Variants in RFX4 observed in about 807,000 individuals in gnomAD.
The protein encoded by RFX4 is regulatory factor X4.
A neutral mutation model predicts 95.0 loss-of-function variants in RFX4; 10 were observed. That is an observed-to-expected ratio of 0.11 (90% CI 0.06 to 0.18). RFX4 has a LOEUF of 0.18. RFX4 is among the 10% of genes least tolerant of loss of function. The probability of loss-of-function intolerance (pLI) is 1.00; values close to 1 mark genes in which losing one functional copy is unlikely to be tolerated. For synonymous variants in RFX4, 321 were observed against 340.7 expected (o/e 0.94, Z 0.64); for missense variants, 640 against 922.0 (o/e 0.69, Z 3.96).
At chr12:106,732,868 T>C (rs566755104) in intron 14 of RFX4, 56 bp from the exon 15 acceptor site, 57 of 1,549,074 alleles carry the variant, frequency 3.7e-5, no homozygotes, top group Non-Finnish European at 4.5e-5. Context: ...TAAAGTCTTT[T>C]AGAGACACTT....
At chr12:106,686,750 C>G in intron 5 of RFX4, 134 bp from the exon 6 acceptor site, 1 of 725,936 alleles carries the variant, frequency 1.4e-6, no homozygotes, top group Non-Finnish European at 2.3e-6. Context: ...CTTCTATCCC[C>G]AGGTAGGATG....
intron 3 of RFX4, among the ~76,000 whole-genome samples, chr12:106,643,278 T>G (rs1160358605): frequency 6.6e-6 from 1 of 152,038 alleles, no homozygotes; most frequent in Non-Finnish European, 1.5e-5. Context: ...CACCACTCCT[T>G]CCCGGGATGG....
At chr12:106,631,530 C>T (rs2040415767) in intron 2 of RFX4, among the ~76,000 whole-genome samples, 1 of 152,046 alleles carries the variant, frequency 6.6e-6, no homozygotes, top group Non-Finnish European at 1.5e-5. Flanking sequence ...AAGGCTCAGC[C>T]CTTGTGAATG....
chr12:106,762,613 C>CTATTA lies in RFX4; in HGVS notation c.*1145_*1149dup, dbSNP rs1369818475. The stretch of plus-strand genomic sequence containing the variant: ...AATGCACCAAGCAATTATGGTGGAC[C>CTATTA]TATTACCCTATGGGTAAGAAATAAA... On this transcript the variant is annotated 3_prime_UTR_variant, in exon 18 of 18. Transcript: ENST00000392842. The CTATTA allele has an allele frequency of 1.3e-5, 2 of 152,446 alleles. No individual in the cohort carries two copies. The highest frequency in any genetic ancestry group is 4.8e-5 in the African/African-American group (2 of 41,358). The allele number at this position is 152,446 out of a possible 1,614,324, so 9.4% of individuals were successfully genotyped here. A position where few individuals can be genotyped will look rare whatever the true frequency, so the allele number is the denominator to read the frequency against.
At chr12:106,629,887 A>G (rs2040382837) in intron 2 of RFX4, among the ~76,000 whole-genome samples, 1 of 152,170 alleles carries the variant, frequency 6.6e-6, no homozygotes, top group Non-Finnish European at 1.5e-5. Flanking sequence ...GCCAGGAGGC[A>G]CGGTTCGCTC....
intron 17 of RFX4, among the ~76,000 whole-genome samples, chr12:106,758,294 A>G (rs1043375237): frequency 2.0e-5 from 3 of 152,202 alleles, no homozygotes; most frequent in Non-Finnish European, 2.9e-5. Context: ...TGGTCTTTCA[A>G]TGGTCTCTTC....
chr12:106,699,345 C>A, intron 8 of RFX4, among the ~76,000 whole-genome samples: 1 of 152,024 alleles, frequency 6.6e-6, no homozygotes, highest in African/African-American at 2.4e-5. Context: ...GGTGAATGTT[C>A]TATGTGTACC....
At chr12:106,669,317 G>C (rs963451205) in intron 4 of RFX4, among the ~76,000 whole-genome samples, 2 of 152,172 alleles carry the variant, frequency 1.3e-5, no homozygotes, top group Non-Finnish European at 2.9e-5. Context: ...GGAAGCTGAG[G>C]TGACAGATGT....
chr12:106,644,642 T>C (rs1185367045), intron 3 of RFX4, among the ~76,000 whole-genome samples: 2 of 152,066 alleles, frequency 1.3e-5, no homozygotes, highest in Non-Finnish European at 2.9e-5. Flanking sequence ...ACCGTGGGAG[T>C]GTTTCTTCAT....
At chr12:106,708,026 C>T (rs2042119760) in intron 8 of RFX4, among the ~76,000 whole-genome samples, 1 of 152,106 alleles carries the variant, frequency 6.6e-6, no homozygotes, top group Admixed American at 6.5e-5. Context: ...CCCAGCTACT[C>T]AGGAGGCTGA....
At chr12:106,700,357 T>G (rs2041960926) in intron 8 of RFX4, among the ~76,000 whole-genome samples, 1 of 151,438 alleles carries the variant, frequency 6.6e-6, no homozygotes, top group African/African-American at 2.4e-5. Flanking sequence ...AAAATACCTC[T>G]TAAAAAAAAT....
intron 5 of RFX4, among the ~76,000 whole-genome samples, chr12:106,685,558 C>G (rs1412464834): frequency 6.6e-6 from 1 of 152,122 alleles, no homozygotes; most frequent in Non-Finnish European, 1.5e-5. Flanking sequence ...TGATTCAGTG[C>G]TGATTCCTGG....
chr12:106,713,128 G>T (rs1007494615), intron 10 of RFX4, among the ~76,000 whole-genome samples: 6 of 152,192 alleles, frequency 3.9e-5, no homozygotes, highest in African/African-American at 7.2e-5. Context: ...CAGAGGACTA[G>T]GGTTAAGGCT....
At chr12:106,656,536 G>C (rs968164691) in intron 4 of RFX4, among the ~76,000 whole-genome samples, 2 of 152,024 alleles carry the variant, frequency 1.3e-5, no homozygotes, top group Non-Finnish European at 2.9e-5. Context: ...TCCCAAACAG[G>C]GTCCTACGGA....
chr12:106,642,323 A>G (rs1185109179), intron 3 of RFX4, among the ~76,000 whole-genome samples: 4 of 151,408 alleles, frequency 2.6e-5, no homozygotes, highest in Admixed American at 1.3e-4. Flanking sequence ...TATGTCATTA[A>G]ACTAATGACA....
intron 10 of RFX4, among the ~76,000 whole-genome samples, chr12:106,713,426 A>C (rs1326732218): frequency 6.6e-6 from 1 of 152,240 alleles, no homozygotes. Flanking sequence ...AAAGAAACAG[A>C]ATGGAAATAG....
intron 11 of RFX4, among the ~76,000 whole-genome samples, chr12:106,716,754 A>G (rs1022558222): frequency 1.3e-5 from 2 of 152,138 alleles, no homozygotes; most frequent in African/African-American, 2.4e-5. Context: ...ATTCTAAGCC[A>G]GCTCCTGTGT....
At chr12:106,696,962 T>C (rs1208031937) in intron 8 of RFX4, among the ~76,000 whole-genome samples, 2 of 151,866 alleles carry the variant, frequency 1.3e-5, no homozygotes, top group African/African-American at 2.4e-5. Flanking sequence ...GGGCCAGAGG[T>C]GGGGCATATG....
intron 3 of RFX4, chr12:106,645,952 C>G (rs1430461378): frequency 7.8e-7 from 1 of 1,288,984 alleles, no homozygotes; most frequent in Admixed American, 2.3e-5. Flanking sequence ...TTAAGCTGGA[C>G]AACCCAATGC....
Sources: allele counts gnomAD v4.1 joint callset (sites outside exome capture counted in the v4.1 genomes callset), GRCh38; gene constraint gnomAD v4.1.1; transcripts MANE v1.5; gene names NCBI Gene and HGNC (gene_info 2026-07-23, HGNC 2026-07-21).